Variants in LRRC4C observed in about 807,000 individuals in gnomAD.
The protein encoded by LRRC4C is leucine rich repeat containing 4C, also known as leucine-rich repeat-containing protein 4C.
In LRRC4C, 5 loss-of-function variants were observed where a neutral mutation model predicts 33.6. The observed-to-expected ratio is 0.15, with a 90% CI of 0.08 to 0.31. The LOEUF (loss-of-function observed/expected upper bound fraction) is 0.31, where lower values mean the gene tolerates loss of function less well. Among genes scored for constraint, LRRC4C ranks in the 10% least tolerant of loss-of-function variants. The pLI, the probability that LRRC4C is intolerant of heterozygous loss-of-function variation, is 1.00. For synonymous variants in LRRC4C, 329 were observed against 302.0 expected (o/e 1.09, Z -0.93); for missense variants, 560 against 796.7 (o/e 0.70, Z 3.58).
chr11:40,156,705 C>T (rs1474817315), intron 5 of LRRC4C, among the ~76,000 whole-genome samples: 5 of 151,874 alleles, frequency 3.3e-5, no homozygotes. Flanking sequence ...ATATACCTAA[C>T]CAAGGAGTCA....
At chr11:41,116,977 C>T (rs902490104) in intron 1 of LRRC4C, among the ~76,000 whole-genome samples, 1 of 152,130 alleles carries the variant, frequency 6.6e-6, no homozygotes, top group South Asian at 2.1e-4. Context: ...ATGAAACGTA[C>T]TTCCACACTT....
intron 4 of LRRC4C, among the ~76,000 whole-genome samples, chr11:40,260,632 C>T (rs1299125219): frequency 1.3e-5 from 2 of 152,044 alleles, no homozygotes; most frequent in Non-Finnish European, 2.9e-5. Flanking sequence ...AAATTAAAAG[C>T]TCCCGTCCAA....
intron 1 of LRRC4C, among the ~76,000 whole-genome samples, chr11:41,065,994 G>A (rs769133201): frequency 9.2e-5 from 14 of 152,160 alleles, no homozygotes; most frequent in Admixed American, 1.3e-4. Flanking sequence ...CCAAAAGCCA[G>A]AATGCCTTTT....
intron 1 of LRRC4C, among the ~76,000 whole-genome samples, chr11:41,301,640 T>A (rs1207371580): frequency 6.6e-6 from 1 of 152,180 alleles, no homozygotes; most frequent in Non-Finnish European, 1.5e-5. Flanking sequence ...AGTGACTGGA[T>A]GCTATTTCTG....
chr11:41,031,745 A>C (rs892124897), intron 1 of LRRC4C, among the ~76,000 whole-genome samples: 3 of 152,050 alleles, frequency 2.0e-5, no homozygotes, highest in Non-Finnish European at 2.9e-5. Flanking sequence ...GCCAGTTGGC[A>C]ACAGATATGC....
rs11035973 is a variant in LRRC4C, at chr11:40,626,941, C to T, written c.-270+21201G>A. 1.6e-3 allele frequency among the ~76,000 whole-genome samples: 247 copies of T among 152,222 alleles called. 5 individuals carry two copies. The East Asian group carries it at 0.041, about 25-fold the overall frequency. On this transcript the variant is annotated intron_variant, in intron 3 of 6. Coordinates refer to ENST00000528697, the MANE Select transcript of LRRC4C (RefSeq NM_001258419.2). ...ATATCTTCTCCTCTTTATGTAACAA[C>T]GATTTTTCCCACTTTCTCTGCTTTC...
intron 2 of LRRC4C, among the ~76,000 whole-genome samples, chr11:40,876,269 T>TTTG (rs1369276070): frequency 2.7e-5 from 4 of 148,354 alleles, no homozygotes; most frequent in African/African-American, 7.5e-5. Flanking sequence ...GGTTTTTTTT[T>TTTG]TTTTTTTTTT....
intron 1 of LRRC4C, among the ~76,000 whole-genome samples, chr11:41,208,618 G>T (rs1946694113): frequency 1.3e-5 from 2 of 152,194 alleles, no homozygotes; most frequent in East Asian, 3.9e-4. Context: ...CAGAATAAAA[G>T]AAAGCTGTCA....
chr11:40,729,993 A>G (rs1947476585), intron 2 of LRRC4C, among the ~76,000 whole-genome samples: 1 of 152,084 alleles, frequency 6.6e-6, no homozygotes, highest in Non-Finnish European at 1.5e-5. Flanking sequence ...TTCTCAGTAA[A>G]CTATCACAAG....
At chr11:40,452,870 T>C (rs1951951701) in intron 3 of LRRC4C, among the ~76,000 whole-genome samples, 1 of 152,178 alleles carries the variant, frequency 6.6e-6, no homozygotes, top group Non-Finnish European at 1.5e-5. Flanking sequence ...GATGAGTTCA[T>C]GTCCTTTGTA....
chr11:40,879,067 T>G (rs560960511), intron 2 of LRRC4C, among the ~76,000 whole-genome samples: 18 of 152,290 alleles, frequency 1.2e-4, no homozygotes, highest in African/African-American at 4.1e-4. Flanking sequence ...ATAATAATAC[T>G]GAGTACTCTC....
At chr11:40,388,502 A>T (rs772376519) in intron 3 of LRRC4C, among the ~76,000 whole-genome samples, 3 of 152,104 alleles carry the variant, frequency 2.0e-5, no homozygotes, top group Non-Finnish European at 4.4e-5. Context: ...ACAAACTCTC[A>T]TTTGGAATTA....
intron 3 of LRRC4C, among the ~76,000 whole-genome samples, chr11:40,339,038 C>T (rs938453275): frequency 1.3e-5 from 2 of 152,210 alleles, no homozygotes; most frequent in Non-Finnish European, 2.9e-5. Context: ...GGTGTTTTCA[C>T]ACCTTTTCCT....
At chr11:40,125,269 T>C (rs1034639930) in intron 6 of LRRC4C, among the ~76,000 whole-genome samples, 5 of 152,150 alleles carry the variant, frequency 3.3e-5, no homozygotes, top group Non-Finnish European at 7.3e-5. Context: ...TTGTTCTGTT[T>C]CTAGATATCG....
chr11:41,112,267 A>C (rs1384434027), intron 1 of LRRC4C, among the ~76,000 whole-genome samples: 1 of 152,008 alleles, frequency 6.6e-6, no homozygotes, highest in Non-Finnish European at 1.5e-5. Flanking sequence ...AAAACAAGTA[A>C]AACCTTTCTG....
chr11:40,566,086 G>GTTTTTTTTTTTTTTTTTTTTTTTTTATTT, intron 3 of LRRC4C, among the ~76,000 whole-genome samples: 1 of 62,794 alleles, frequency 1.6e-5, no homozygotes, highest in African/African-American at 6.4e-5. Flanking sequence ...TTTTTACTAA[G>GTTTTTTTTTTTTTTTTTTTTTTTTTATTT]TTTTTTTTTT....
rs541928236 is a variant in LRRC4C at position 40,509,487 on chromosome 11, A to AT, written c.-270+138654dup. Among the ~76,000 whole-genome samples, 935 of 152,028 alleles carry AT rather than the reference A, an allele frequency of 6.2e-3. 15 individuals are homozygous for AT. The highest frequency in any genetic ancestry group is 0.022 in the African/African-American group (896 of 41,504). On this transcript the variant is annotated intron_variant, in intron 3 of 6. Coordinates refer to ENST00000528697, the MANE Select transcript of LRRC4C (RefSeq NM_001258419.2). ...ATTTTACTGTATGCTGGTTTTTAAA[A>AT]TTTTTTTAATTTTTATTTATTTATT...
At chr11:41,267,529 C>A (rs183045657) in intron 1 of LRRC4C, among the ~76,000 whole-genome samples, 1 of 152,194 alleles carries the variant, frequency 6.6e-6, no homozygotes, top group East Asian at 1.9e-4. Context: ...TGCGTGGTAA[C>A]CAGTAAATGA....
At chr11:40,708,443 T>C (rs1946284958) in intron 2 of LRRC4C, among the ~76,000 whole-genome samples, 4 of 152,210 alleles carry the variant, frequency 2.6e-5, no homozygotes, top group Admixed American at 2.6e-4. Context: ...AAAGAACATC[T>C]TTATTTCTGC....
Sources: allele counts gnomAD v4.1 joint callset (sites outside exome capture counted in the v4.1 genomes callset), GRCh38; gene constraint gnomAD v4.1.1; transcripts MANE v1.5; gene names NCBI Gene and HGNC (gene_info 2026-07-23, HGNC 2026-07-21).